The following MACROD1 variants were observed in gnomAD, a reference collection of about 807,000 sequenced individuals.
The protein encoded by MACROD1 is mono-ADP ribosylhydrolase 1.
MACROD1 carries 31 observed loss-of-function variants against 41.4 expected under a neutral mutation model. The observed-to-expected ratio is 0.75, with a 90% CI of 0.56 to 1.01. The LOEUF (loss-of-function observed/expected upper bound fraction) is 1.01, where lower values mean the gene tolerates loss of function less well. MACROD1 is among the 50% of genes least tolerant of loss of function. The pLI is 0.00. For synonymous variants in MACROD1, 252 were observed against 203.4 expected (o/e 1.24, Z -2.03); for missense variants, 473 against 460.0 (o/e 1.03, Z -0.26).
rs1033689548 is a variant in MACROD1, at chr11:64,120,233, A to C, written c.517+31006T>G. ...CAGCACGGCCTGGGGGGGCTAGCCC[A>C]CGAAATAGGTCCACTCCCCAGCCCT... On this transcript the variant is annotated intron_variant, in intron 3 of 10. Coordinates refer to ENST00000255681, the MANE Select transcript of MACROD1 (RefSeq NM_014067.4). This position sits in a 1 kb window ranked among gnomAD's most constrained non-coding sequence, Gnocchi z 4.5. Among the ~76,000 whole-genome samples the C allele has an allele frequency of 6.6e-6, 1 of 152,194 alleles. No homozygotes were observed. The highest frequency in any genetic ancestry group is 1.5e-5 in the Non-Finnish European group (1 of 68,024).
intron 1 of MACROD1, among the ~76,000 whole-genome samples, chr11:64,158,629 G>A (rs1408636204): frequency 6.6e-6 from 1 of 152,134 alleles, no homozygotes; most frequent in Non-Finnish European, 1.5e-5. Flanking sequence ...GAGGCTTGGA[G>A]AGCGAGGAAG....
chr11:64,058,868 G>C (rs1943843637), intron 3 of MACROD1, among the ~76,000 whole-genome samples: 1 of 152,158 alleles, frequency 6.6e-6, no homozygotes, highest in Non-Finnish European at 1.5e-5. Flanking sequence ...TGATAGGGGA[G>C]CTTCCATCTT....
chr11:64,008,300 C>T (rs768153725), intron 4 of MACROD1, among the ~76,000 whole-genome samples: 3 of 147,680 alleles, frequency 2.0e-5, no homozygotes, highest in East Asian at 2.0e-4. Context: ...TGGGGGAGAG[C>T]GCTCGGCTGG....
intron 3 of MACROD1, among the ~76,000 whole-genome samples, chr11:64,070,486 C>G (rs577708022): frequency 1.3e-5 from 2 of 152,168 alleles, no homozygotes; most frequent in African/African-American, 4.8e-5. Context: ...GGGAAGCTTT[C>G]GGACCCTCCT....
At chr11:64,097,489 T>G (rs1259079117) in intron 3 of MACROD1, among the ~76,000 whole-genome samples, 2 of 152,236 alleles carry the variant, frequency 1.3e-5, no homozygotes, top group Non-Finnish European at 2.9e-5. Flanking sequence ...GTTTCTCTGA[T>G]GGCCATCTTG....
In MACROD1 at chr11:64,000,311, G is replaced by C. The variant is rs766540634; in HGVS notation, c.580C>G (p.Leu194Val). ...DGCIHRAAGPLLTDECRTLQS... is the reference protein window; with the variant it reads ...DGCIHRAAGPVLTDECRTLQS... The stretch of plus-strand genomic sequence containing the variant: ...AGGGTCCGGCACTCGTCGGTAAGCA[G>C]GGGGCCGGCGGCCCGATGAATGCAG... The change falls in exon 5 of 11, where the codon CTG (leucine) becomes GTG (valine). Residue 194 changes from leucine to valine, a missense_variant. Leu to Val is a conservative substitution (Grantham distance 32, BLOSUM62 1). Transcript: ENST00000255681. 6.3e-7 allele frequency: 1 copy of C among 1,591,494 alleles called. No individual in the cohort carries two copies. Among genetic ancestry groups the C allele is most frequent in the Non-Finnish European group, 8.5e-7 (1 of 1,170,074 alleles).
chr11:64,127,637 C>G (rs994452669), intron 3 of MACROD1, among the ~76,000 whole-genome samples: 20 of 152,236 alleles, frequency 1.3e-4, no homozygotes, highest in African/African-American at 4.3e-4. Flanking sequence ...TGAGTCACCA[C>G]AAGGGGACCC....
chr11:64,113,696 T>C (rs1944906845), intron 3 of MACROD1, among the ~76,000 whole-genome samples: 1 of 148,238 alleles, frequency 6.7e-6, no homozygotes, highest in African/African-American at 2.5e-5. Flanking sequence ...GTTAGGTGGA[T>C]GGATGGACGG....
intron 3 of MACROD1, among the ~76,000 whole-genome samples, chr11:64,022,940 C>G (rs1943177685): frequency 6.9e-6 from 1 of 145,568 alleles, no homozygotes; most frequent in South Asian, 2.2e-4. Flanking sequence ...CAGCTCACTG[C>G]AACCTCTGCC....
intron 3 of MACROD1, among the ~76,000 whole-genome samples, chr11:64,075,614 T>C (rs1156932453): frequency 6.6e-6 from 1 of 152,120 alleles, no homozygotes; most frequent in Non-Finnish European, 1.5e-5. Flanking sequence ...TGATATGGAG[T>C]GACAACCTAC....
At chr11:64,038,096 C>T (rs948380093) in intron 3 of MACROD1, among the ~76,000 whole-genome samples, 1 of 152,180 alleles carries the variant, frequency 6.6e-6, no homozygotes, top group Non-Finnish European at 1.5e-5. Context: ...CGCCCTGTGT[C>T]CCCTCCTCCC....
chr11:64,035,820 C>G (rs1274786998), intron 3 of MACROD1: 2 of 146,856 alleles, frequency 1.4e-5, no homozygotes, highest in African/African-American at 2.5e-5. Flanking sequence ...CAGCCTGGTT[C>G]CCCGCGCCCT....
At chr11:64,124,007 A>T (rs1253356904) in intron 3 of MACROD1, among the ~76,000 whole-genome samples, 5 of 152,338 alleles carry the variant, frequency 3.3e-5, no homozygotes, top group East Asian at 3.9e-4. Context: ...AAGGGAGCAG[A>T]TATCAAGAGA....
chr11:64,007,290 G>T (rs1333798828), intron 4 of MACROD1, among the ~76,000 whole-genome samples: 1 of 152,194 alleles, frequency 6.6e-6, no homozygotes, highest in Non-Finnish European at 1.5e-5. Flanking sequence ...CTAAGTTGTG[G>T]GCGTGGTGAA....
chr11:64,136,259 TC>T (rs1488055390), intron 3 of MACROD1, among the ~76,000 whole-genome samples: 1 of 152,212 alleles, frequency 6.6e-6, no homozygotes, highest in Non-Finnish European at 1.5e-5. Flanking sequence ...CCTCATTCAT[TC>T]ATTCACCCAT....
At chr11:64,164,672 C>T (rs1435221778) in intron 1 of MACROD1, among the ~76,000 whole-genome samples, 2 of 152,242 alleles carry the variant, frequency 1.3e-5, no homozygotes, top group African/African-American at 2.4e-5. Context: ...CCTCTGGTCC[C>T]GAGAAAGCCA....
At chr11:64,020,757 C>T (rs974068617) in intron 3 of MACROD1, among the ~76,000 whole-genome samples, 6 of 152,050 alleles carry the variant, frequency 3.9e-5, no homozygotes, top group East Asian at 3.9e-4. Flanking sequence ...GTCTCACTGT[C>T]GCTCAGGCTG....
chr11:64,010,756 CAT>C (rs751332803), intron 4 of MACROD1, among the ~76,000 whole-genome samples: 2 of 120,436 alleles, frequency 1.7e-5, no homozygotes, highest in Non-Finnish European at 3.3e-5. Context: ...TGTTGGCTGG[CAT>C]ATTGGTTGGC....
intron 3 of MACROD1, among the ~76,000 whole-genome samples, chr11:64,032,393 C>T (rs1943306230): frequency 6.6e-6 from 1 of 152,124 alleles, no homozygotes; most frequent in African/African-American, 2.4e-5. Flanking sequence ...GTGCCCAGGG[C>T]CGATGGCTGG....
Sources: gnomAD v4.1 joint callset for allele counts (sites outside exome capture counted in the v4.1 genomes callset) on GRCh38, gnomAD v4.1.1 for gene constraint, Gnocchi (gnomAD v3.1) non-coding constraint, MANE v1.5 for transcripts, NCBI Gene and HGNC (gene_info 2026-07-23, HGNC 2026-07-21) for gene names.